CTNND2: variants seen among roughly 807,000 people sequenced by gnomAD.
CTNND2 encodes the protein catenin delta-2.
Under a neutral mutation model 144.4 loss-of-function variants are expected in CTNND2, and 22 were observed. The ratio of observed to expected loss-of-function variants is 0.15; its 90% CI spans 0.11 to 0.22. The LOEUF (loss-of-function observed/expected upper bound fraction) is 0.22, where lower values mean the gene tolerates loss of function less well. Among genes scored for constraint, CTNND2 ranks in the 10% least tolerant of loss-of-function variants. The pLI is 1.00. For synonymous variants in CTNND2, 751 were observed against 695.6 expected, an observed-to-expected ratio of 1.08 and a Z score of -1.25; for missense variants, 1,353 against 1,618.8, an observed-to-expected ratio of 0.84 and a Z score of 2.82.
chr5:11,881,433 T>G (rs1736102982), intron 1 of CTNND2, among the ~76,000 whole-genome samples: 1 of 151,994 alleles, frequency 6.6e-6, no homozygotes, highest in Admixed American at 6.6e-5. Context: ...TATCCCTCCC[T>G]CCCCACTATC....
chr5:11,827,357 G>A (rs1358099349), intron 1 of CTNND2, among the ~76,000 whole-genome samples: 2 of 152,144 alleles, frequency 1.3e-5, no homozygotes, highest in Non-Finnish European at 2.9e-5. Flanking sequence ...AAATCCTTCG[G>A]TAAGAAAGCC....
At chr5:11,017,116 C>G (rs1418324636) in intron 18 of CTNND2, among the ~76,000 whole-genome samples, 3 of 151,644 alleles carry the variant, frequency 2.0e-5, no homozygotes, top group Non-Finnish European at 4.4e-5. Flanking sequence ...AACTCCCATG[C>G]TTGCTGGCCT....
rs1207606042 is a variant in CTNND2, at chr5:10,972,671, A to ATGAT, written c.*778_*781dup. The ATGAT allele has an allele frequency of 4.6e-5, 7 of 152,676 alleles. No individual in the cohort carries two copies. The highest frequency in any genetic ancestry group is 3.9e-4 in the Admixed American group (6 of 15,290). The allele number at this position is 152,676 out of a possible 1,614,324, so 9.5% of individuals were successfully genotyped here. On this transcript the variant is annotated 3_prime_UTR_variant, in exon 22 of 22. Transcript: ENST00000304623. ...GCACTTTGTTGACAAGGAGTGTGGAATGATGTATGTTAATTGTCAGAAACT... is the reference window on the plus strand; with the variant it reads ...GCACTTTGTTGACAAGGAGTGTGGAATGATTGATGTATGTTAATTGTCAGAAACT...
intron 9 of CTNND2, among the ~76,000 whole-genome samples, chr5:11,319,080 CA>C (rs1751788268): frequency 6.6e-6 from 1 of 152,102 alleles, no homozygotes; most frequent in Non-Finnish European, 1.5e-5. Context: ...AACTGAGCCA[CA>C]AACTCACTTC....
intron 18 of CTNND2, among the ~76,000 whole-genome samples, chr5:11,010,134 A>G (rs904796862): frequency 3.3e-5 from 5 of 152,200 alleles, no homozygotes; most frequent in African/African-American, 1.2e-4. Flanking sequence ...ATCTGGCTGA[A>G]AGTCCTTATG....
At chr5:11,795,418 T>C (rs1447808013) in intron 1 of CTNND2, among the ~76,000 whole-genome samples, 1 of 152,202 alleles carries the variant, frequency 6.6e-6, no homozygotes, top group Non-Finnish European at 1.5e-5. Flanking sequence ...GAGAAACCAC[T>C]GAAGAGTTTT....
intron 2 of CTNND2, among the ~76,000 whole-genome samples, chr5:11,649,313 G>GTTATTT (rs1465931091): frequency 2.0e-5 from 3 of 151,998 alleles, no homozygotes; most frequent in Non-Finnish European, 4.4e-5. Context: ...AACTTATTTT[G>GTTATTT]TTATTTTTAT....
intron 2 of CTNND2, among the ~76,000 whole-genome samples, chr5:11,646,244 TAG>T (rs1782341280): frequency 6.6e-6 from 1 of 152,336 alleles, no homozygotes; most frequent in East Asian, 1.9e-4. Flanking sequence ...CTGCTGTGCT[TAG>T]AGTCTTATGT....
At chr5:11,507,126 C>CA (rs1289490887) in intron 3 of CTNND2, among the ~76,000 whole-genome samples, 1 of 152,180 alleles carries the variant, frequency 6.6e-6, no homozygotes, top group Non-Finnish European at 1.5e-5. Flanking sequence ...GGACAGTACA[C>CA]AAGGATTGCC....
At chr5:11,546,505 G>A (rs1229095571) in intron 3 of CTNND2, among the ~76,000 whole-genome samples, 1 of 152,128 alleles carries the variant, frequency 6.6e-6, no homozygotes, top group East Asian at 1.9e-4. Context: ...CAAATTACTA[G>A]AGGTAATTAG....
At chr5:11,098,493 T>A in intron 15 of CTNND2, 82 bp downstream of exon 15, 1 of 1,260,304 alleles carries the variant, frequency 7.9e-7, no homozygotes, top group Non-Finnish European at 1.1e-6. Context: ...AGAGTTGCAT[T>A]TCTCAAAACT....
intron 12 of CTNND2, among the ~76,000 whole-genome samples, chr5:11,123,021 T>A (rs1332119647): frequency 6.6e-6 from 1 of 151,942 alleles, no homozygotes; most frequent in Non-Finnish European, 1.5e-5. Context: ...CACTGATCCC[T>A]CCCCCTGGAA....
chr5:11,000,762 A>C (rs1739872082), intron 18 of CTNND2, among the ~76,000 whole-genome samples: 1 of 152,124 alleles, frequency 6.6e-6, no homozygotes, highest in Non-Finnish European at 1.5e-5. Flanking sequence ...CTTCTTTTCC[A>C]CACATTAAGG....
chr5:11,528,673 C>T (rs533132082), intron 3 of CTNND2, among the ~76,000 whole-genome samples: 1 of 152,310 alleles, frequency 6.6e-6, no homozygotes, highest in Non-Finnish European at 1.5e-5. Flanking sequence ...TAAGCCTGCA[C>T]CACAGAGTAT....
chr5:11,731,167 C>A (rs1484563315), intron 2 of CTNND2, among the ~76,000 whole-genome samples: 1 of 152,192 alleles, frequency 6.6e-6, no homozygotes, highest in South Asian at 2.1e-4. Context: ...CACTTCCTGA[C>A]CAGATGGCAC....
chr5:11,505,116 C>T (rs1157677436), intron 3 of CTNND2, among the ~76,000 whole-genome samples: 2 of 151,670 alleles, frequency 1.3e-5, no homozygotes, highest in East Asian at 3.9e-4. Flanking sequence ...TTTATAAAAA[C>T]TAGGTCGAAT....
rs377106890 is a variant in CTNND2, at chr5:11,732,128, G to A, written c.174+8C>T. The A allele has an allele frequency of 3.6e-5, 58 of 1,611,180 alleles. No individual in the cohort carries two copies. Among genetic ancestry groups the A allele is most frequent in the Non-Finnish European group, 4.8e-5 (57 of 1,177,834 alleles). Reference sequence around the variant, plus strand: ...AAACGCATATCACAAAAATGGGAATGTTTCTACCTGTTCTTTGACTGAGGC... The same window carrying A: ...AAACGCATATCACAAAAATGGGAATATTTCTACCTGTTCTTTGACTGAGGC... On this transcript the variant is annotated splice_region_variant and intron_variant, in intron 2 of 21. Coordinates refer to ENST00000304623, the MANE Select transcript of CTNND2 (RefSeq NM_001332.4).
chr5:11,632,958 TAGAC>T (rs1781489764), intron 2 of CTNND2, among the ~76,000 whole-genome samples: 1 of 151,908 alleles, frequency 6.6e-6, no homozygotes, highest in Non-Finnish European at 1.5e-5. Context: ...ACATGAACAA[TAGAC>T]AGAAGAAAAT....
At chr5:11,057,993 A>G (rs1363740997) in intron 16 of CTNND2, among the ~76,000 whole-genome samples, 1 of 152,256 alleles carries the variant, frequency 6.6e-6, no homozygotes, top group Non-Finnish European at 1.5e-5. Flanking sequence ...CTGGTGGAAG[A>G]AATTTCTAAG....
Sources: gnomAD v4.1 joint callset for allele counts (sites outside exome capture counted in the v4.1 genomes callset) on GRCh38, gnomAD v4.1.1 for gene constraint, MANE v1.5 for transcripts, NCBI Gene and HGNC (gene_info 2026-07-23, HGNC 2026-07-21) for gene names.